GCNT1: variants seen among roughly 807,000 people sequenced by gnomAD.
GCNT1 encodes the protein beta-1,3-galactosyl-O-glycosyl-glycoprotein beta-1,6-N-acetylglucosaminyltransferase.
GCNT1 carries 16 observed loss-of-function variants against 26.2 expected under a neutral mutation model. That is an observed-to-expected ratio of 0.61 (90% confidence interval 0.41 to 0.93). GCNT1 has a LOEUF of 0.93. Ranked by LOEUF, GCNT1 falls within the 40% of genes least tolerant of loss-of-function variation. The pLI, the probability that GCNT1 is intolerant of heterozygous loss-of-function variation, is 0.00. For missense variants in GCNT1, 477 were observed against 526.7 expected (o/e 0.91, Z 0.92); for synonymous variants, 183 against 190.8 (o/e 0.96, Z 0.34).
chr9:76,400,439 C>G, the GCNT1 span, among the ~76,000 whole-genome samples: 1 of 152,204 alleles, frequency 6.6e-6, no homozygotes, highest in Admixed American at 6.5e-5. Context: ...TGACACTAGT[C>G]TCTCTCTACT....
At chr9:76,430,453 C>A (rs914790300) in intron 1 of GCNT1, among the ~76,000 whole-genome samples, 7 of 152,026 alleles carry the variant, frequency 4.6e-5, no homozygotes, top group Admixed American at 4.6e-4. Context: ...GGGATCATGG[C>A]TCCCTGCATC....
At chr9:76,449,973 G>A (rs776772376) in intron 1 of GCNT1, among the ~76,000 whole-genome samples, 6 of 151,884 alleles carry the variant, frequency 4.0e-5, no homozygotes, top group South Asian at 2.1e-4. Context: ...GGTTTTCGCC[G>A]TTTTGGCCAG....
At chr9:76,394,417 C>A in the GCNT1 span, 3 of 429,872 alleles carry the variant, frequency 7.0e-6, no homozygotes, top group African/African-American at 2.1e-5. Flanking sequence ...CGGAGACAGC[C>A]GAAGTAAGTG....
the GCNT1 span, among the ~76,000 whole-genome samples, chr9:76,405,702 C>T: frequency 6.6e-6 from 1 of 152,188 alleles, no homozygotes; most frequent in Non-Finnish European, 1.5e-5. Flanking sequence ...GTTTCCTCCA[C>T]GTCTTCATGG....
At chr9:76,410,799 G>A in the GCNT1 span, among the ~76,000 whole-genome samples, 2 of 152,162 alleles carry the variant, frequency 1.3e-5, no homozygotes, top group Non-Finnish European at 2.9e-5. Flanking sequence ...TAGTCTCCAA[G>A]TATAACAGTG....
intron 1 of GCNT1, among the ~76,000 whole-genome samples, chr9:76,443,946 G>GGAAGAAAGA (rs1823527275): frequency 1.5e-5 from 1 of 68,078 alleles, no homozygotes; most frequent in African/African-American, 5.5e-5. Flanking sequence ...AGGAAGGAAG[G>GGAAGAAAGA]AAGGAAGGAA....
At chr9:76,468,082 T>C (rs1267861704) in intron 2 of GCNT1, among the ~76,000 whole-genome samples, 6 of 151,892 alleles carry the variant, frequency 4.0e-5, no homozygotes, top group Non-Finnish European at 7.4e-5. Flanking sequence ...AATTAGTAAA[T>C]ACAGGGTCTC....
chr9:76,478,185 C>T (rs1266087860), intron 2 of GCNT1, among the ~76,000 whole-genome samples: 1 of 152,164 alleles, frequency 6.6e-6, no homozygotes, highest in African/African-American at 2.4e-5. Flanking sequence ...GGTATCCTTC[C>T]ATGTAGTGGA....
At chr9:76,420,588 T>A (rs181711270) in intron 1 of GCNT1, 12 of 152,210 alleles carry the variant, frequency 7.9e-5, no homozygotes, top group African/African-American at 2.6e-4. Flanking sequence ...AGTATAACAG[T>A]TATGACTAAA....
chr9:76,459,548 C>G (rs1823827092), intron 1 of GCNT1, among the ~76,000 whole-genome samples: 1 of 152,200 alleles, frequency 6.6e-6, no homozygotes, highest in Non-Finnish European at 1.5e-5. Flanking sequence ...CCCGTGTCCC[C>G]TGAAAGTCAC....
chr9:76,442,642 C>G (rs979777889), intron 1 of GCNT1, among the ~76,000 whole-genome samples: 2 of 152,082 alleles, frequency 1.3e-5, no homozygotes, highest in Non-Finnish European at 2.9e-5. Flanking sequence ...GATCATGCCA[C>G]CGCACTCCAG....
chr9:76,501,625 T>C (rs771090935), intron 3 of GCNT1: 1 of 152,232 alleles, frequency 6.6e-6, no homozygotes, highest in Non-Finnish European at 1.5e-5. Context: ...TTCAATCCAA[T>C]TTGAAAATTC....
At chr9:76,440,623 G>A (rs1823471355), upstream of GCNT1, among the ~76,000 whole-genome samples, 1 of 152,168 alleles carries the variant, frequency 6.6e-6, no homozygotes, top group South Asian at 2.1e-4. Flanking sequence ...AAACCCAGAG[G>A]GGAGAATGAG....
At chr9:76,476,717 A>C (rs1824261497) in intron 2 of GCNT1, among the ~76,000 whole-genome samples, 1 of 152,224 alleles carries the variant, frequency 6.6e-6, no homozygotes, top group Non-Finnish European at 1.5e-5. Context: ...AATTGGGGTA[A>C]CAGTAAATGT....
intron 1 of GCNT1, among the ~76,000 whole-genome samples, chr9:76,442,516 A>G (rs1428583030): frequency 6.6e-6 from 1 of 152,006 alleles, no homozygotes; most frequent in Non-Finnish European, 1.5e-5. Flanking sequence ...CCCTGTCTCT[A>G]CTAAAAATAC....
At chr9:76,439,070 T>C (rs1238099752), upstream of GCNT1, among the ~76,000 whole-genome samples, 3 of 152,152 alleles carry the variant, frequency 2.0e-5, no homozygotes, top group Non-Finnish European at 4.4e-5. Context: ...AAGTAGGAAA[T>C]AATTTCTATG....
At chr9:76,437,914 G>A (rs1231098340), upstream of GCNT1, among the ~76,000 whole-genome samples, 1 of 152,232 alleles carries the variant, frequency 6.6e-6, no homozygotes, top group Non-Finnish European at 1.5e-5. Context: ...ATGTCTTAAA[G>A]AGTAAATGAT....
intron 2 of GCNT1, among the ~76,000 whole-genome samples, chr9:76,478,613 G>A (rs1198846095): frequency 6.6e-6 from 1 of 152,198 alleles, no homozygotes; most frequent in Non-Finnish European, 1.5e-5. Flanking sequence ...ACTTACTTGA[G>A]TTAGCATAAT....
chr9:76,416,447 A>G (rs1214436960), upstream of GCNT1, among the ~76,000 whole-genome samples: 1 of 152,232 alleles, frequency 6.6e-6, no homozygotes, highest in East Asian at 1.9e-4. Context: ...TGAGCCAGTT[A>G]ACACTTAGCC....
Sources: gnomAD v4.1 joint callset for allele counts (sites outside exome capture counted in the v4.1 genomes callset) on GRCh38, gnomAD v4.1.1 for gene constraint, MANE v1.5 for transcripts, NCBI Gene and HGNC (gene_info 2026-07-23, HGNC 2026-07-21) for gene names.